The following DCAF8L2 variants were observed in gnomAD, a reference collection of about 807,000 sequenced individuals.
DCAF8L2 encodes DDB1 and CUL4 associated factor 8 like 2.
For missense variants in DCAF8L2, 430 were observed against 490.7 expected, an observed-to-expected ratio of 0.88 and a Z score of 1.17; for synonymous variants, 200 against 190.9, an observed-to-expected ratio of 1.05 and a Z score of -0.39.
chrX:27,670,557 C>T (rs903801787), intron 2 of DCAF8L2, among the ~76,000 whole-genome samples: 15 of 111,453 alleles, frequency 1.3e-4, no homozygotes, highest in Admixed American at 9.6e-4. Context: ...CTTTCATCAC[C>T]GTTTAAAGAA....
At chrX:27,519,780 A>G in the DCAF8L2 span, 1 of 515,707 alleles carries the variant, frequency 1.9e-6, no homozygotes, top group African/African-American at 2.3e-5. Context: ...TGAGGCTTTT[A>G]ATCTGATTTT....
rs779012547 is a variant in DCAF8L2, at chrX:27,748,213, A to G, written c.1318A>G (p.Ser440Gly). Residue 440 changes from serine to glycine, a missense_variant, in exon 5 of 5, where the codon AGC (serine) becomes GGC (glycine). Physicochemically the swap from Ser to Gly is moderately conservative, Grantham distance 56. Coordinates refer to ENST00000451261, the MANE Select transcript of DCAF8L2 (RefSeq NM_001353450.2). ...YSHDGTELLASYNDDDIYLFN... is the reference protein window; with the variant it reads ...YSHDGTELLAGYNDDDIYLFN... ...CCACGATGGCACAGAGCTGCTAGCC[A>G]GCTACAATGATGACGATATTTACCT... is the stretch of plus-strand genomic sequence containing the variant. The G allele has an allele frequency of 2.5e-6, 3 of 1,210,616 alleles. No individual in the cohort carries two copies. Among genetic ancestry groups the G allele is most frequent in the Non-Finnish European group, 3.4e-6 (3 of 895,408 alleles).
At chrX:27,523,504 G>T in the DCAF8L2 span, among the ~76,000 whole-genome samples, 9 of 108,331 alleles carry the variant, frequency 8.3e-5, no homozygotes, top group Non-Finnish European at 1.5e-4. Context: ...TATTGAAAAA[G>T]ATCAATTTTG....
the DCAF8L2 span, among the ~76,000 whole-genome samples, chrX:27,549,058 T>C: frequency 8.9e-6 from 1 of 112,165 alleles, no homozygotes; most frequent in Admixed American, 9.5e-5. Context: ...GTGTTCTTAA[T>C]TCTCTCAGTA....
intron 2 of DCAF8L2, among the ~76,000 whole-genome samples, chrX:27,647,366 C>T (rs769295174): frequency 7.2e-5 from 8 of 111,162 alleles, no homozygotes; most frequent in Non-Finnish European, 1.5e-4. Context: ...AATGAGAACA[C>T]ATGGACACAG....
the DCAF8L2 span, among the ~76,000 whole-genome samples, chrX:27,536,175 T>C: frequency 8.9e-6 from 1 of 112,390 alleles, no homozygotes; most frequent in African/African-American, 3.2e-5. Flanking sequence ...TTTAACATTC[T>C]ATTTACTTCT....
chrX:27,737,261 C>A (rs188728668), intron 4 of DCAF8L2, among the ~76,000 whole-genome samples: 23 of 111,505 alleles, frequency 2.1e-4, no homozygotes, highest in Admixed American at 9.6e-5. Context: ...TTAAAACACG[C>A]CAAGTTGTGA....
At chrX:27,576,317 C>T in the DCAF8L2 span, among the ~76,000 whole-genome samples, 102 of 112,054 alleles carry the variant, frequency 9.1e-4, no homozygotes, top group Admixed American at 8.0e-3. Flanking sequence ...CAACTTGAGT[C>T]TTACCAGCTG....
chrX:27,700,609 G>A (rs762809331), intron 3 of DCAF8L2, among the ~76,000 whole-genome samples: 8 of 111,256 alleles, frequency 7.2e-5, no homozygotes, highest in Middle Eastern at 4.6e-3. Flanking sequence ...CTTGCATAGC[G>A]ATCACTGCTT....
chrX:27,545,369 G>A, the DCAF8L2 span, among the ~76,000 whole-genome samples: 4 of 111,973 alleles, frequency 3.6e-5, no homozygotes, highest in South Asian at 3.7e-4. Context: ...AGGCAATCTC[G>A]ACAACAAAAG....
intron 2 of DCAF8L2, among the ~76,000 whole-genome samples, chrX:27,677,220 C>T (rs1348046230): frequency 9.0e-6 from 1 of 111,731 alleles, no homozygotes; most frequent in Non-Finnish European, 1.9e-5. Context: ...AGATTCATTC[C>T]TTCATCCCAC....
the DCAF8L2 span, among the ~76,000 whole-genome samples, chrX:27,545,427 A>T: frequency 8.9e-6 from 1 of 112,365 alleles, no homozygotes; most frequent in South Asian, 3.7e-4. Flanking sequence ...TAGAAGAGAC[A>T]GCCAAGTTTA....
At chrX:27,569,958 C>T in the DCAF8L2 span, among the ~76,000 whole-genome samples, 1 of 111,651 alleles carries the variant, frequency 9.0e-6, no homozygotes, top group Non-Finnish European at 1.9e-5. Flanking sequence ...TAGGTTGAAT[C>T]ATATAAAAAT....
the DCAF8L2 span, among the ~76,000 whole-genome samples, chrX:27,504,542 A>C: frequency 1.8e-5 from 2 of 111,391 alleles, no homozygotes; most frequent in African/African-American, 6.5e-5. Flanking sequence ...TCCATGAAAA[A>C]CAAAATAAGG....
At chrX:27,591,136 A>G (rs1325221184) in intron 1 of DCAF8L2, among the ~76,000 whole-genome samples, 1 of 108,344 alleles carries the variant, frequency 9.2e-6, no homozygotes, top group Non-Finnish European at 1.9e-5. Context: ...TGAATTTGAA[A>G]ATACATGTAC....
chrX:27,496,601 T>C, the DCAF8L2 span, among the ~76,000 whole-genome samples: 1 of 111,998 alleles, frequency 8.9e-6, no homozygotes, highest in Non-Finnish European at 1.9e-5. Context: ...TAGCCCTTTC[T>C]GTCTGCAAAT....
chrX:27,658,539 G>T (rs765130459), intron 2 of DCAF8L2, among the ~76,000 whole-genome samples: 5 of 111,979 alleles, frequency 4.5e-5, no homozygotes, highest in African/African-American at 1.6e-4. Context: ...TCTCACACTT[G>T]GTCCACTTCC....
At chrX:27,650,845 G>T (rs1172384610) in intron 2 of DCAF8L2, among the ~76,000 whole-genome samples, 1 of 60,261 alleles carries the variant, frequency 1.7e-5, no homozygotes, top group Non-Finnish European at 2.7e-5. Flanking sequence ...AATATGAGTG[G>T]TGAGAAGTGG....
the DCAF8L2 span, among the ~76,000 whole-genome samples, chrX:27,576,545 A>C: frequency 8.9e-6 from 1 of 111,870 alleles, no homozygotes; most frequent in Non-Finnish European, 1.9e-5. Context: ...ATTTTATGTA[A>C]CCCCTGGATT....
Sources: allele counts gnomAD v4.1 joint callset (sites outside exome capture counted in the v4.1 genomes callset), GRCh38; gene constraint gnomAD v4.1.1; transcripts MANE v1.5; gene names NCBI Gene and HGNC (gene_info 2026-07-23, HGNC 2026-07-21).